The following XPO6 variants were observed in gnomAD, a reference collection of about 807,000 sequenced individuals.
XPO6 encodes exportin 6.
In XPO6, 3 loss-of-function variants were observed where a neutral mutation model predicts 130.0. The observed-to-expected ratio is 0.02, with a 90% CI of 0.01 to 0.06. The LOEUF is 0.06. Ranked by LOEUF, XPO6 falls within the 10% of genes least tolerant of loss-of-function variation. The probability of loss-of-function intolerance (pLI) is 1.00; values close to 1 mark genes in which losing one functional copy is unlikely to be tolerated. For missense variants in XPO6, 970 were observed against 1,393.0 expected (o/e 0.70, Z 4.83); for synonymous variants, 524 against 548.9 (o/e 0.95, Z 0.63).
chr16:28,158,776 T>C (rs1005406311), intron 6 of XPO6, among the ~76,000 whole-genome samples: 3 of 152,056 alleles, frequency 2.0e-5, no homozygotes, highest in Non-Finnish European at 4.4e-5. Context: ...CCTGAAGGGG[T>C]TGGGGCCCAG....
At chr16:28,130,686 A>G (rs898394478) in intron 12 of XPO6, among the ~76,000 whole-genome samples, 1 of 152,116 alleles carries the variant, frequency 6.6e-6, no homozygotes, top group African/African-American at 2.4e-5. Flanking sequence ...GGACGAGCCG[A>G]GTTCTGTGAA....
At chr16:28,099,162 T>A (rs2086599245) in intron 23 of XPO6, among the ~76,000 whole-genome samples, 1 of 151,862 alleles carries the variant, frequency 6.6e-6, no homozygotes, top group African/African-American at 2.4e-5. Flanking sequence ...CCCCTGCCCC[T>A]CGAGAGCCAC....
chr16:28,135,315 A>G lies in XPO6; in HGVS notation c.1344T>C (p.Asp448=), dbSNP rs774765555. 1 of 1,613,514 alleles carries G rather than the reference A, an allele frequency of 6.2e-7. No individual in the cohort carries two copies. Among genetic ancestry groups the G allele is most frequent in the African/African-American group, 1.3e-5 (1 of 74,936 alleles). The change falls in exon 10 of 24, where the codon GAT becomes GAC. Residue 448 remains aspartate, a synonymous_variant. Transcript: ENST00000304658. Reference sequence around the variant, plus strand: ...CCTCTGTGAGCAGGAGCACCAGGGCATCTTCGTACCTATGTGGCAGGGAGA... The same window carrying G: ...CCTCTGTGAGCAGGAGCACCAGGGCGTCTTCGTACCTATGTGGCAGGGAGA... The part of the protein sequence containing the change: ...DKEAVLNRYE[D]ALVLLLTEVL...
intron 5 of XPO6, chr16:28,167,265 T>C: frequency 1.0e-6 from 1 of 985,406 alleles, no homozygotes. Flanking sequence ...TCCTGGACAA[T>C]GCTACGTGCA....
chr16:28,127,950 T>C (rs531113554), intron 12 of XPO6, among the ~76,000 whole-genome samples: 4 of 152,098 alleles, frequency 2.6e-5, no homozygotes, highest in Non-Finnish European at 5.9e-5. Context: ...AGGCTGTGGG[T>C]GCAGCTAATG....
At chr16:28,154,255 TAAAAAA>T (rs11284457) in intron 7 of XPO6, 53 of 811,886 alleles carry the variant, frequency 6.5e-5, no homozygotes, top group East Asian at 2.0e-4. Flanking sequence ...ACTACCCATT[TAAAAAA>T]AAAAAAAAAA....
At chr16:28,176,446 A>C (rs1443851484) in intron 3 of XPO6, among the ~76,000 whole-genome samples, 1 of 152,214 alleles carries the variant, frequency 6.6e-6, no homozygotes, top group Admixed American at 6.5e-5. Context: ...GATATAAAAT[A>C]AAGTGGGGAA....
chr16:28,176,175 T>C (rs2043530903), intron 3 of XPO6, 80 bp from the exon 4 acceptor site: 1 of 1,308,350 alleles, frequency 7.6e-7, no homozygotes, highest in Non-Finnish European at 1.1e-6. Context: ...GTAGCTATTA[T>C]CACTTCAATA....
At chr16:28,169,677 G>C (rs1254853684) in intron 5 of XPO6, 73 bp downstream of exon 5, 1 of 1,563,506 alleles carries the variant, frequency 6.4e-7, no homozygotes, top group Non-Finnish European at 8.7e-7. Context: ...GCTCAAAGCT[G>C]CTGAGTGCCA....
chr16:28,171,469 A>G (rs9930666), intron 4 of XPO6, among the ~76,000 whole-genome samples: 92,122 of 145,652 alleles, frequency 0.63, 30,579 homozygotes, highest in East Asian at 0.87. Flanking sequence ...AAAAAAAAAA[A>G]AAAAGAAAAA....
At position 28,101,410 on chromosome 16, in the gene XPO6, G is replaced by A. The variant is rs769451496; in HGVS notation, c.3276+48C>T. ...TCCTTGCTGCACAGGTGCCAGGCTT[G>A]CGTGCCCACTCTGCCCTCCTCTTAG... On this transcript the variant is annotated intron_variant, in intron 23 of 23. Coordinates refer to ENST00000304658, the MANE Select transcript of XPO6 (RefSeq NM_015171.4). This position sits in a 1 kb window ranked among gnomAD's most constrained non-coding sequence, Gnocchi z 5.4. 1.4e-5 allele frequency: 21 copies of A among 1,536,382 alleles called. No homozygotes were observed. Among genetic ancestry groups the A allele is most frequent in the Middle Eastern group, 1.7e-4 (1 of 5,964 alleles).
intron 15 of XPO6, 198 bp downstream of exon 15, chr16:28,117,120 T>C: frequency 1.6e-6 from 1 of 619,452 alleles, no homozygotes; most frequent in South Asian, 2.7e-5. Context: ...GGAACTCAGA[T>C]AACTAAAAAA....
At chr16:28,159,541 A>G (rs980106076) in intron 6 of XPO6, among the ~76,000 whole-genome samples, 1 of 152,216 alleles carries the variant, frequency 6.6e-6, no homozygotes, top group African/African-American at 2.4e-5. Flanking sequence ...CAAAGAAACC[A>G]CACAGATAAA....
Position 28,211,657 on chromosome 16 carries a change from G to A in XPO6, c.-289C>T. On this transcript the variant is annotated 5_prime_UTR_variant, in exon 1 of 24. Transcript: ENST00000304658. ...TGCCGGCGAGGAGGGCAGCTGCTCGGGACCCCCGCCCGGGCCCGACCCCCG... is the reference window on the plus strand; with the variant it reads ...TGCCGGCGAGGAGGGCAGCTGCTCGAGACCCCCGCCCGGGCCCGACCCCCG... 1 of 397,336 alleles carries A rather than the reference G, an allele frequency of 2.5e-6. No individual in the cohort carries two copies. The highest frequency in any genetic ancestry group is 4.4e-6 in the Non-Finnish European group (1 of 225,700). The allele number at this position is 397,336 out of a possible 1,614,324, so 24.6% of individuals were successfully genotyped here.
chr16:28,180,870 G>T, intron 2 of XPO6, 71 bp downstream of exon 2: 1 of 1,292,686 alleles, frequency 7.7e-7, no homozygotes, highest in South Asian at 1.3e-5. Context: ...TCACGGCTAC[G>T]AACAACTCCT....
chr16:28,199,714 C>G (rs540552680), intron 1 of XPO6, among the ~76,000 whole-genome samples: 23 of 152,112 alleles, frequency 1.5e-4, no homozygotes, highest in African/African-American at 4.8e-4. Context: ...TTACAGGCAC[C>G]CACCACCACA....
chr16:28,101,856 C>G lies in XPO6; in HGVS notation c.3036G>C (p.Leu1012=). The G allele has an allele frequency of 6.2e-7, 1 of 1,613,968 alleles. No homozygotes were observed. The highest frequency in any genetic ancestry group is 8.5e-7 in the Non-Finnish European group (1 of 1,179,928). ...YLETLNTKQK[L]YHKKIFRTAM... is the part of the protein sequence containing the mutation. The stretch of plus-strand genomic sequence containing the variant: ...GAGCTGGGGCACTTACCTTGTGGTA[C>G]AGCTTCTGCTTGGTGTTGAGAGTCT... The change falls in exon 22 of 24, where the codon CTG becomes CTC. Residue 1012 remains leucine, a synonymous_variant. Transcript: ENST00000304658. This position sits in a 1 kb window ranked among gnomAD's most constrained non-coding sequence, Gnocchi z 5.4.
In XPO6 at chr16:28,175,600, A is replaced by C. The variant is rs567212654; in HGVS notation, c.405+298T>G. On this transcript the variant is annotated intron_variant, in intron 4 of 23. Transcript: ENST00000304658. ...CCCCCACTAAACGCCGAAACTACTG[A>C]AAGCCTCACCCTTGTACCCCCAACA... 1.1e-4 allele frequency among the ~76,000 whole-genome samples: 17 copies of C among 152,348 alleles called. No homozygotes were observed. The South Asian group carries it at 3.5e-3, about 32-fold the overall frequency.
intron 6 of XPO6, 124 bp from the exon 7 acceptor site, chr16:28,156,651 T>A (rs2043189285): frequency 1.7e-6 from 1 of 572,530 alleles, no homozygotes; most frequent in Admixed American, 3.9e-5. Context: ...TAGTTACCTA[T>A]GAAATAAAAA....
Sources: allele counts gnomAD v4.1 joint callset (sites outside exome capture counted in the v4.1 genomes callset), GRCh38; gene constraint gnomAD v4.1.1; non-coding constraint Gnocchi (gnomAD v3.1); transcripts MANE v1.5; gene names NCBI Gene and HGNC (gene_info 2026-07-23, HGNC 2026-07-21).